The following NT5DC1 variants were observed in gnomAD, a reference collection of about 807,000 sequenced individuals.
The protein encoded by NT5DC1 is 5'-nucleotidase domain containing 1, also known as 5'-nucleotidase domain-containing protein 1.
A neutral mutation model predicts 59.4 loss-of-function variants in NT5DC1; 42 were observed. That is an observed-to-expected ratio of 0.71 (90% confidence interval 0.55 to 0.92). The LOEUF (loss-of-function observed/expected upper bound fraction) is 0.92, where lower values mean the gene tolerates loss of function less well. Ranked by LOEUF, NT5DC1 falls within the 40% of genes least tolerant of loss-of-function variation. The pLI is 0.00. For missense variants in NT5DC1, 501 were observed against 537.1 expected, an observed-to-expected ratio of 0.93 and a Z score of 0.66; for synonymous variants, 172 against 188.1, an observed-to-expected ratio of 0.91 and a Z score of 0.70.
chr6:116,193,859 C>T (rs1781172873), intron 6 of NT5DC1, among the ~76,000 whole-genome samples: 1 of 151,830 alleles, frequency 6.6e-6, no homozygotes, highest in African/African-American at 2.4e-5. Context: ...TCACTTGAGC[C>T]CAGTTGTTCG....
chr6:116,136,040 T>C (rs538844740), intron 6 of NT5DC1, among the ~76,000 whole-genome samples: 2 of 152,096 alleles, frequency 1.3e-5, no homozygotes, highest in African/African-American at 4.8e-5. Flanking sequence ...CATGAACTTA[T>C]TCATCCTACG....
chr6:116,212,108 T>A (rs1781591700), intron 6 of NT5DC1, among the ~76,000 whole-genome samples: 1 of 152,136 alleles, frequency 6.6e-6, no homozygotes, highest in Non-Finnish European at 1.5e-5. Context: ...ATTTTATCAA[T>A]TCTTTTTCAA....
chr6:116,187,462 T>A (rs1781025551), intron 6 of NT5DC1, among the ~76,000 whole-genome samples: 1 of 152,070 alleles, frequency 6.6e-6, no homozygotes, highest in Admixed American at 6.6e-5. Context: ...AGCAAATAAT[T>A]CATGGCTTAT....
intron 6 of NT5DC1, chr6:116,121,526 C>T (rs1053242460): frequency 6.2e-7 from 1 of 1,614,138 alleles, no homozygotes; most frequent in Non-Finnish European, 8.5e-7. Context: ...ACCTGGACGA[C>T]CAGGAGCACC....
At chr6:116,155,384 C>T (rs1452189509) in intron 6 of NT5DC1, among the ~76,000 whole-genome samples, 3 of 152,152 alleles carry the variant, frequency 2.0e-5, no homozygotes, top group Non-Finnish European at 2.9e-5. Flanking sequence ...TTTTGTCACT[C>T]GCCAACACAA....
intron 6 of NT5DC1, among the ~76,000 whole-genome samples, chr6:116,122,859 A>G (rs562865017): frequency 6.6e-6 from 1 of 152,200 alleles, no homozygotes. Context: ...ATTTGAAAAC[A>G]TTGATTAATA....
At position 116,101,035 on chromosome 6, in the gene NT5DC1, G is replaced by A; in HGVS notation, c.93+12G>A. 1 of 1,565,480 alleles carries A rather than the reference G, an allele frequency of 6.4e-7. No individual in the cohort carries two copies. The highest frequency in any genetic ancestry group is 8.7e-7 in the Non-Finnish European group (1 of 1,150,480). ...CCGAGAGCGCCCCGGTGAGTGGCGC[G>A]GGCTCCGGGGCGCACTGCGCGCAAC... On this transcript the variant is annotated intron_variant, in intron 1 of 11. Transcript: ENST00000319550.
intron 8 of NT5DC1, among the ~76,000 whole-genome samples, chr6:116,235,215 A>G (rs1582886492): frequency 6.6e-6 from 1 of 152,130 alleles, no homozygotes; most frequent in Non-Finnish European, 1.5e-5. Context: ...TCTGTAAATT[A>G]TTCATTTCCA....
In NT5DC1 at chr6:116,143,007, G is replaced by A. The variant is rs1582831002; in HGVS notation, c.529+25062G>A. 2.6e-5 allele frequency among the ~76,000 whole-genome samples: 4 copies of A among 152,208 alleles called. 1 individual carries two copies. Among genetic ancestry groups the A allele is most frequent in the Admixed American group, 2.6e-4 (4 of 15,294 alleles). ...TAAAATTATAGACATTATGGTTTGT[G>A]TCTTATTTGGAAGAAGACTATGGTT... On this transcript the variant is annotated intron_variant, in intron 6 of 11. Transcript: ENST00000319550.
At chr6:116,137,847 C>T (rs749861951) in intron 6 of NT5DC1, among the ~76,000 whole-genome samples, 3 of 152,038 alleles carry the variant, frequency 2.0e-5, no homozygotes, top group African/African-American at 2.4e-5. Context: ...TTTGGGAGGC[C>T]GAGGCAGACG....
intron 6 of NT5DC1, among the ~76,000 whole-genome samples, chr6:116,185,558 C>A (rs138062709): frequency 2.6e-5 from 4 of 151,948 alleles, no homozygotes; most frequent in Non-Finnish European, 4.4e-5. Flanking sequence ...CTGTTGGGTG[C>A]GTATATAGTT....
At chr6:116,126,918 G>T (rs1332492745) in intron 6 of NT5DC1, among the ~76,000 whole-genome samples, 1 of 151,992 alleles carries the variant, frequency 6.6e-6, no homozygotes, top group Non-Finnish European at 1.5e-5. Flanking sequence ...TTCCCTCAAA[G>T]GTGGAAGTAA....
intron 6 of NT5DC1, among the ~76,000 whole-genome samples, chr6:116,172,050 C>G (rs940843726): frequency 1.3e-5 from 2 of 152,174 alleles, no homozygotes; most frequent in Non-Finnish European, 2.9e-5. Flanking sequence ...AACACTCTCA[C>G]TTCCATCCAC....
At position 116,106,297 on chromosome 6, in the gene NT5DC1, G is replaced by T; in HGVS notation, c.147G>T (p.Lys49Asn). 6.3e-7 allele frequency: 1 copy of T among 1,580,854 alleles called. No individual in the cohort carries two copies. The highest frequency in any genetic ancestry group is 2.2e-5 in the East Asian group (1 of 44,632). The change falls in exon 2 of 12, where the codon AAG becomes AAT. Residue 49 changes from lysine to asparagine, a missense_variant. Coordinates refer to ENST00000319550, the MANE Select transcript of NT5DC1 (RefSeq NM_152729.3). The stretch of plus-strand genomic sequence containing the variant: ...TAGTTAAGGAGAAAGGGTACGATAA[G>T]GAATTGCTCAATGTGACCCCAGAGG... ...QFLVKEKGYD[K>N]ELLNVTPEDW...
intron 6 of NT5DC1, among the ~76,000 whole-genome samples, chr6:116,142,450 T>G (rs1010388836): frequency 1.3e-5 from 2 of 152,218 alleles, no homozygotes; most frequent in African/African-American, 4.8e-5. Context: ...AGTTCTACTC[T>G]TAAACTCATG....
intron 6 of NT5DC1, among the ~76,000 whole-genome samples, chr6:116,171,025 T>G (rs1022192578): frequency 2.0e-5 from 3 of 152,186 alleles, no homozygotes; most frequent in Non-Finnish European, 4.4e-5. Context: ...GCCTCTTCAT[T>G]GGACTTAATG....
intron 6 of NT5DC1, among the ~76,000 whole-genome samples, chr6:116,146,075 C>G (rs1291947375): frequency 1.3e-5 from 2 of 152,146 alleles, no homozygotes; most frequent in Non-Finnish European, 2.9e-5. Context: ...GGTTACCAGC[C>G]ATGTGTCCCA....
In NT5DC1 at chr6:116,110,862, C is replaced by T. The variant is rs1778861055; in HGVS notation, c.270C>T (p.Gly90=). 4 of 1,613,382 alleles carry T rather than the reference C, an allele frequency of 2.5e-6. No individual in the cohort carries two copies. Among genetic ancestry groups the T allele is most frequent in the African/African-American group, 2.7e-5 (2 of 74,922 alleles). ...NNGTVLRASH[G]TKMMTPEVLA... ...CTCTCAAAATCAGGGCAAGCCATGG[C>T]ACCAAGATGATGACTCCAGAGGTGC... Residue 90 remains glycine, a synonymous_variant, in exon 4 of 12, where the codon GGC becomes GGT. Coordinates refer to ENST00000319550, the MANE Select transcript of NT5DC1 (RefSeq NM_152729.3).
At chr6:116,118,122 T>G (rs1173038835) in intron 6 of NT5DC1, 177 bp downstream of exon 6, 2 of 640,060 alleles carry the variant, frequency 3.1e-6, no homozygotes, top group Non-Finnish European at 5.7e-6. Flanking sequence ...TTTGTGCTTC[T>G]TTCATGGCTA....
Sources: gnomAD v4.1 joint callset for allele counts (sites outside exome capture counted in the v4.1 genomes callset) on GRCh38, gnomAD v4.1.1 for gene constraint, MANE v1.5 for transcripts, NCBI Gene and HGNC (gene_info 2026-07-23, HGNC 2026-07-21) for gene names.